The following SCN11A variants were observed in gnomAD, a reference collection of about 807,000 sequenced individuals.
The protein encoded by SCN11A is sodium voltage-gated channel alpha subunit 11, also known as sodium channel protein type 11 subunit alpha.
Under a neutral mutation model 162.2 loss-of-function variants are expected in SCN11A, and 122 were observed. The ratio of observed to expected loss-of-function variants is 0.75; its 90% CI spans 0.65 to 0.87. SCN11A has a LOEUF of 0.87. Ranked by LOEUF, SCN11A falls within the 40% of genes least tolerant of loss-of-function variation. The pLI, the probability that SCN11A is intolerant of heterozygous loss-of-function variation, is 0.00. For missense variants in SCN11A, 2,015 were observed against 2,181.6 expected (o/e 0.92, Z 1.52); for synonymous variants, 758 against 751.5 (o/e 1.01, Z -0.14).
intron 11 of SCN11A, among the ~76,000 whole-genome samples, chr3:38,919,276 C>T (rs2066008703): frequency 6.6e-6 from 1 of 152,184 alleles, no homozygotes; most frequent in Non-Finnish European, 1.5e-5. Context: ...GAGGCAAACT[C>T]AGGGCTTGGC....
intron 28 of SCN11A, among the ~76,000 whole-genome samples, chr3:38,855,586 C>T (rs2064855158): frequency 6.6e-6 from 1 of 152,144 alleles, no homozygotes. Context: ...GAAAGCACCA[C>T]CTCCTGGCTG....
chr3:38,885,805 G>C (rs2065388143), intron 20 of SCN11A, among the ~76,000 whole-genome samples: 1 of 152,104 alleles, frequency 6.6e-6, no homozygotes, highest in South Asian at 2.1e-4. Context: ...TTATTTCTTT[G>C]GCCCTCCAGG....
chr3:38,901,067 A>G (rs1407127341), intron 16 of SCN11A, among the ~76,000 whole-genome samples: 1 of 152,234 alleles, frequency 6.6e-6, no homozygotes, highest in Non-Finnish European at 1.5e-5. Flanking sequence ...TAAAAGGATT[A>G]AAGTCTTTAC....
At chr3:38,963,803 A>T (rs2066763265) in intron 2 of SCN11A, among the ~76,000 whole-genome samples, 2 of 152,130 alleles carry the variant, frequency 1.3e-5, no homozygotes, top group South Asian at 2.1e-4. Context: ...TGTGTACCAA[A>T]ATCTCACAAA....
At chr3:38,941,267 GA>G (rs1575319816) in intron 7 of SCN11A, among the ~76,000 whole-genome samples, 2 of 152,278 alleles carry the variant, frequency 1.3e-5, no homozygotes, top group Non-Finnish European at 2.9e-5. Flanking sequence ...TAAAGTGCTA[GA>G]AAAACAAATT....
chr3:38,874,007 A>G (rs529016977), intron 23 of SCN11A, among the ~76,000 whole-genome samples: 38 of 152,288 alleles, frequency 2.5e-4, no homozygotes, highest in African/African-American at 8.4e-4. Flanking sequence ...TACACTGGAC[A>G]GTATTATGCA....
At chr3:38,992,332 T>G (rs1328242486) in intron 2 of SCN11A, among the ~76,000 whole-genome samples, 1 of 152,230 alleles carries the variant, frequency 6.6e-6, no homozygotes, top group East Asian at 1.9e-4. Context: ...ACATCATCTG[T>G]GCAGCTCAAC....
chr3:38,995,827 A>G lies in SCN11A; in HGVS notation c.-279-35404T>C, dbSNP rs1262347694. ...TATCTATCTATCTATCTGTCTATCT[A>G]TCTATCTATCTATCTATCTATATTT... On this transcript the variant is annotated intron_variant, in intron 2 of 29. Transcript: ENST00000302328. Among the ~76,000 whole-genome samples, 7 of 150,204 alleles carry G rather than the reference A, an allele frequency of 4.7e-5. No homozygotes were observed. In the East Asian group the frequency reaches 9.7e-4, roughly 21 times the overall value.
At chr3:38,867,947 T>A (rs2065068315) in intron 26 of SCN11A, among the ~76,000 whole-genome samples, 1 of 152,192 alleles carries the variant, frequency 6.6e-6, no homozygotes, top group South Asian at 2.1e-4. Flanking sequence ...CTTTCACTCT[T>A]AACTTCCTAG....
In SCN11A at chr3:38,926,900, C is replaced by A. The variant is rs748548157; in HGVS notation, c.520G>T (p.Ala174Ser). The A allele has an allele frequency of 6.2e-7, 1 of 1,612,950 alleles. No individual in the cohort carries two copies. ...CCTCTTGCCAATATTTTAATCAAAGCTTCAAAAATATAAATCCCAGTGAAG... is the reference window on the plus strand; with the variant it reads ...CCTCTTGCCAATATTTTAATCAAAGATTCAAAAATATAAATCCCAGTGAAG... ...CVFTGIYIFEALIKILARGFI... is the reference protein window; with the variant it reads ...CVFTGIYIFESLIKILARGFI... The change falls in exon 8 of 30, where the codon GCT becomes TCT. Residue 174 changes from alanine to serine, a missense_variant. Ala to Ser is a moderately conservative substitution (Grantham distance 99). Transcript: ENST00000302328.
At chr3:38,872,825 A>G (rs548340311) in intron 23 of SCN11A, among the ~76,000 whole-genome samples, 16 of 152,294 alleles carry the variant, frequency 1.1e-4, no homozygotes, top group African/African-American at 3.4e-4. Context: ...AAAAGAGAGA[A>G]AAAAATGACA....
chr3:38,888,629 C>T (rs866012502), intron 19 of SCN11A, among the ~76,000 whole-genome samples: 9 of 152,282 alleles, frequency 5.9e-5, no homozygotes, highest in Middle Eastern at 3.4e-3. Context: ...ATAATCTCTG[C>T]GGACGTTCTC....
intron 2 of SCN11A, among the ~76,000 whole-genome samples, chr3:39,027,824 C>T (rs1413117891): frequency 6.6e-6 from 1 of 152,182 alleles, no homozygotes; most frequent in Non-Finnish European, 1.5e-5. Flanking sequence ...TTGGGCACTT[C>T]TGGGAGCCCC....
At chr3:38,966,887 G>A (rs1254964904) in intron 2 of SCN11A, among the ~76,000 whole-genome samples, 4 of 152,206 alleles carry the variant, frequency 2.6e-5, no homozygotes. Flanking sequence ...TTGCCTTTGT[G>A]TTTTGGTTTG....
intron 7 of SCN11A, among the ~76,000 whole-genome samples, chr3:38,931,365 T>A (rs1475526596): frequency 6.6e-6 from 1 of 151,936 alleles, no homozygotes; most frequent in African/African-American, 2.4e-5. Flanking sequence ...GACCTTGTAG[T>A]CAAAGAAAGG....
chr3:38,997,548 C>T (rs537287429), intron 2 of SCN11A, among the ~76,000 whole-genome samples: 2 of 152,296 alleles, frequency 1.3e-5, no homozygotes, highest in South Asian at 4.1e-4. Context: ...TCATATACAA[C>T]TTATTAGGTT....
Position 38,846,590 on chromosome 3 carries a change from T to G in SCN11A, c.*104A>C. On this transcript the variant is annotated 3_prime_UTR_variant, in exon 30 of 30. Coordinates refer to ENST00000302328, the MANE Select transcript of SCN11A (RefSeq NM_001349253.2). Reference sequence around the variant, plus strand: ...CCAGAAAAGAAAATGGAATGGCTAATTTGGTGAATCCACTCCCTGTTGATA... The same window carrying G: ...CCAGAAAAGAAAATGGAATGGCTAAGTTGGTGAATCCACTCCCTGTTGATA... The G allele has an allele frequency of 1.2e-6, 1 of 808,362 alleles. No individual in the cohort carries two copies. The highest frequency in any genetic ancestry group is 2.0e-6 in the Non-Finnish European group (1 of 489,140). 50.1% of individuals were successfully genotyped at this position (808,362 alleles called of 1,614,324 possible).
chr3:38,881,921 G>T (rs1311294655), intron 22 of SCN11A, among the ~76,000 whole-genome samples: 2 of 152,072 alleles, frequency 1.3e-5, no homozygotes, highest in Non-Finnish European at 2.9e-5. Context: ...GGCACCATGG[G>T]GCATTTTTGC....
At chr3:38,942,560 A>G (rs181880478) in intron 7 of SCN11A, among the ~76,000 whole-genome samples, 99 of 152,298 alleles carry the variant, frequency 6.5e-4, no homozygotes, top group Non-Finnish European at 1.2e-3. Context: ...AGAAAGGTAT[A>G]AAATATTTGG....
Sources: allele counts gnomAD v4.1 joint callset (sites outside exome capture counted in the v4.1 genomes callset), GRCh38; gene constraint gnomAD v4.1.1; transcripts MANE v1.5; gene names NCBI Gene and HGNC (gene_info 2026-07-23, HGNC 2026-07-21).